CCNH: variants seen among roughly 807,000 people sequenced by gnomAD.
CCNH encodes the protein cyclin-H.
Under a neutral mutation model 41.9 loss-of-function variants are expected in CCNH, and 31 were observed. That is an observed-to-expected ratio of 0.74 (90% confidence interval 0.56 to 1.00). The LOEUF is 1.00. Among genes scored for constraint, CCNH ranks in the 50% least tolerant of loss-of-function variants. The pLI is 0.00. For missense variants in CCNH, 362 were observed against 388.4 expected (o/e 0.93, Z 0.57); for synonymous variants, 138 against 136.1 (o/e 1.01, Z -0.10).
At chr5:87,362,126 T>A (rs887330218) in intron 9 of CCNH, among the ~76,000 whole-genome samples, 1 of 152,226 alleles carries the variant, frequency 6.6e-6, no homozygotes, top group African/African-American at 2.4e-5. Flanking sequence ...TTGTCTGTAT[T>A]CACCTAGCAT....
downstream of CCNH, chr5:87,374,227 C>T: frequency 6.3e-7 from 1 of 1,589,262 alleles, no homozygotes; most frequent in Non-Finnish European, 8.6e-7. Flanking sequence ...TTTACTAATC[C>T]ATATTGTAAC....
At chr5:87,383,567 T>C (rs1214510315) in intron 9 of CCNH, 11 of 571,886 alleles carry the variant, frequency 1.9e-5, no homozygotes, top group Non-Finnish European at 3.0e-5. Flanking sequence ...TAAAGCTTTC[T>C]GTGTCTGGGC....
intron 9 of CCNH, among the ~76,000 whole-genome samples, chr5:87,360,022 T>G (rs541987069): frequency 6.6e-6 from 1 of 152,308 alleles, no homozygotes; most frequent in South Asian, 2.1e-4. Flanking sequence ...GTAATTACTT[T>G]GGTTCTTCTT....
chr5:87,391,212 C>G, downstream of CCNH: 1 of 443,534 alleles, frequency 2.3e-6, no homozygotes, highest in East Asian at 3.8e-5. Context: ...TTTCAGTACA[C>G]CCAGTTGCCA....
intron 9 of CCNH, among the ~76,000 whole-genome samples, chr5:87,320,892 A>G (rs1433936236): frequency 6.6e-6 from 1 of 152,276 alleles, no homozygotes; most frequent in Admixed American, 6.5e-5. Flanking sequence ...GTAGAGTTAC[A>G]CATAGTCTGA....
chr5:87,374,858 C>T, downstream of CCNH: 1 of 1,608,154 alleles, frequency 6.2e-7, no homozygotes, highest in Non-Finnish European at 8.5e-7. Context: ...CTCCTGACAT[C>T]AATAGATTTG....
intron 9 of CCNH, among the ~76,000 whole-genome samples, chr5:87,367,022 C>T (rs531675795): frequency 7.4e-4 from 113 of 152,154 alleles, no homozygotes; most frequent in Non-Finnish European, 1.2e-3. Flanking sequence ...CAGAGTGAGG[C>T]CCGGTCTCAA....
intron 9 of CCNH, among the ~76,000 whole-genome samples, chr5:87,348,012 A>G (rs1473520035): frequency 6.6e-6 from 1 of 152,000 alleles, no homozygotes; most frequent in Non-Finnish European, 1.5e-5. Context: ...CTCTCCTGAG[A>G]AGTACAAATA....
chr5:87,335,417 AG>A (rs1448523406), intron 9 of CCNH, among the ~76,000 whole-genome samples: 2 of 116,656 alleles, frequency 1.7e-5, no homozygotes, highest in Admixed American at 1.8e-4. Context: ...ATAAAGAATG[AG>A]GTTTTTTTTT....
downstream of CCNH, among the ~76,000 whole-genome samples, chr5:87,316,696 G>A (rs896842247): frequency 3.3e-5 from 5 of 152,148 alleles, no homozygotes; most frequent in African/African-American, 7.2e-5. Context: ...TGTTTTGGGG[G>A]AACTTCCTGC....
chr5:87,342,148 T>G (rs1758516236), intron 9 of CCNH, among the ~76,000 whole-genome samples: 1 of 151,858 alleles, frequency 6.6e-6, no homozygotes. Context: ...TCAAATTCTT[T>G]TTTGTTATTT....
exon 1 of CCNH, chr5:87,376,819 G>A: frequency 6.8e-7 from 1 of 1,480,168 alleles, no homozygotes; most frequent in Non-Finnish European, 9.4e-7. Context: ...TTTCTTGTTA[G>A]TCTCATGGAG....
intron 9 of CCNH, among the ~76,000 whole-genome samples, chr5:87,360,445 A>G (rs139740972): frequency 5.7e-4 from 87 of 152,244 alleles, no homozygotes; most frequent in African/African-American, 1.9e-3. Flanking sequence ...GATGGCTCAT[A>G]ATTTTGTTGG....
chr5:87,318,664 C>T (rs1041886589), exon 10 of CCNH: 1 of 152,232 alleles, frequency 6.6e-6, no homozygotes, highest in African/African-American at 2.4e-5. Flanking sequence ...CCAATCACCT[C>T]CTACCAGGTC....
At chr5:87,370,850 TC>T (rs1760882826) in intron 9 of CCNH, among the ~76,000 whole-genome samples, 1 of 152,102 alleles carries the variant, frequency 6.6e-6, no homozygotes, top group Non-Finnish European at 1.5e-5. Context: ...TAAAACTAGA[TC>T]CTAGCGTGAG....
chr5:87,384,121 T>C (rs1430791963), intron 9 of CCNH, among the ~76,000 whole-genome samples: 2 of 152,142 alleles, frequency 1.3e-5, no homozygotes, highest in African/African-American at 2.4e-5. Flanking sequence ...GCTTAGCCCA[T>C]TGCTAGACTG....
intron 9 of CCNH, among the ~76,000 whole-genome samples, chr5:87,349,847 A>C (rs1350996280): frequency 2.6e-5 from 4 of 151,902 alleles, no homozygotes; most frequent in Non-Finnish European, 4.4e-5. Flanking sequence ...AAGTAAACTC[A>C]TTGTTTGTCC....
At chr5:87,334,753 A>G (rs1757844346) in intron 9 of CCNH, among the ~76,000 whole-genome samples, 1 of 152,234 alleles carries the variant, frequency 6.6e-6, no homozygotes, top group South Asian at 2.1e-4. Context: ...AAAAATATTT[A>G]TTGAATTTCA....
intron 9 of CCNH, among the ~76,000 whole-genome samples, chr5:87,383,093 CAAAG>C (rs1004145250): frequency 6.6e-6 from 1 of 151,784 alleles, no homozygotes; most frequent in Non-Finnish European, 1.5e-5. Flanking sequence ...AACCCTATCT[CAAAG>C]AAAACAAAGA....
Sources: gnomAD v4.1 joint callset for allele counts (sites outside exome capture counted in the v4.1 genomes callset) on GRCh38, gnomAD v4.1.1 for gene constraint, MANE v1.5 for transcripts, NCBI Gene and HGNC (gene_info 2026-07-23, HGNC 2026-07-21) for gene names.